The following DHX32 variants were observed in gnomAD, a reference collection of about 807,000 sequenced individuals.
DHX32 encodes putative pre-mRNA-splicing factor ATP-dependent RNA helicase DHX32.
DHX32 carries 51 observed loss-of-function variants against 70.0 expected under a neutral mutation model. The observed-to-expected ratio is 0.73, with a 90% confidence interval of 0.58 to 0.92. The LOEUF (loss-of-function observed/expected upper bound fraction) is 0.92. DHX32 is among the 40% of genes least tolerant of loss of function. The pLI is 0.00. For synonymous variants in DHX32, 310 were observed against 315.3 expected (o/e 0.98, Z 0.18); for missense variants, 762 against 891.8 (o/e 0.85, Z 1.85).
intron 6 of DHX32, among the ~76,000 whole-genome samples, 200 bp downstream of exon 6, chr10:125,852,093 T>C (rs543821726): frequency 1.6e-4 from 24 of 152,308 alleles, no homozygotes; most frequent in Admixed American, 1.4e-3. Flanking sequence ...GTCAGAACAG[T>C]TATTTCCTAG....
chr10:125,840,726 C>T (rs1854853630), intron 8 of DHX32, 121 bp downstream of exon 8: 2 of 1,127,258 alleles, frequency 1.8e-6, no homozygotes, highest in Non-Finnish European at 2.5e-6. Context: ...CCTCAAGTGC[C>T]ATTGCATTCA....
rs758379658 is a variant in DHX32 at position 125,840,896 on chromosome 10, G to A, written c.1644C>T (p.Ile548=). The change falls in exon 8 of 11, where the codon ATC becomes ATT. Residue 548 remains isoleucine, a synonymous_variant. Coordinates refer to ENST00000284690, the MANE Select transcript of DHX32 (RefSeq NM_018180.3). The stretch of plus-strand genomic sequence containing the variant: ...TGTCTTGGTAAGCCTTGTAAATGCT[G>A]ATGAGGGTAAAGTGATCTCCTTCGG... The part of the protein sequence containing the change: ...LHPEGDHFTL[I]SIYKAYQDTT... 1 of 1,610,298 alleles carries A rather than the reference G, an allele frequency of 6.2e-7. No homozygotes were observed. The highest frequency in any genetic ancestry group is 1.7e-5 in the Admixed American group (1 of 59,904).
chr10:125,859,718 A>G lies in DHX32; in HGVS notation c.734T>C (p.Val245Ala), dbSNP rs1270995419. Residue 245 changes from valine to alanine, a missense_variant, in exon 3 of 11, where the codon GTT (valine) becomes GCT (alanine). By Grantham distance (64) the Val-to-Ala change is moderately conservative (BLOSUM62 0). Transcript: ENST00000284690. ...IEVKNKHPVE[V>A]VYLSEAQKDS... is the part of the protein sequence containing the mutation. ...CTTTTGAGCCTCACTAAGGTACACA[A>G]CCTCCACAGGGTGTTTATTTTTCAC... 1 of 1,613,956 alleles carries G rather than the reference A, an allele frequency of 6.2e-7. No individual in the cohort carries two copies. The highest frequency in any genetic ancestry group is 1.1e-5 in the South Asian group (1 of 91,074).
chr10:125,883,995 T>C (rs564045321), upstream of DHX32, among the ~76,000 whole-genome samples: 28 of 152,288 alleles, frequency 1.8e-4, no homozygotes, highest in Non-Finnish European at 3.5e-4. Flanking sequence ...ACAAGCTTGT[T>C]TGACAGACAC....
At chr10:125,893,372 T>C (rs151143508) in intron 1 of DHX32, among the ~76,000 whole-genome samples, 2 of 152,044 alleles carry the variant, frequency 1.3e-5, no homozygotes, top group East Asian at 1.9e-4. Flanking sequence ...GCCTCCCGAG[T>C]AGCTGGGACT....
chr10:125,868,814 T>A (rs974353218), intron 1 of DHX32, among the ~76,000 whole-genome samples: 1 of 152,146 alleles, frequency 6.6e-6, no homozygotes, highest in Non-Finnish European at 1.5e-5. Context: ...TCCTTCAAGT[T>A]TGAACTCTGG....
intron 2 of DHX32, among the ~76,000 whole-genome samples, chr10:125,861,988 A>T (rs1246482977): frequency 2.0e-5 from 3 of 152,132 alleles, no homozygotes; most frequent in Non-Finnish European, 4.4e-5. Context: ...CCAGTCACTA[A>T]GCTGGTGTAT....
chr10:125,840,849 TCA>T lies in DHX32; in HGVS notation c.1689_1690del (p.Ser563ArgfsTer10), dbSNP rs1854856905. The T allele has an allele frequency of 2.5e-6, 4 of 1,585,592 alleles. No individual in the cohort carries two copies. Among genetic ancestry groups the T allele is most frequent in the Non-Finnish European group, 3.4e-6 (4 of 1,160,872 alleles). ...GTAGTTTCTGAGCATTCACTTACAC[TCA>T]CTGCTAGAATTCAGAGTTGTGTCTT... On this transcript the variant is annotated frameshift_variant, in exon 8 of 11. Transcript: ENST00000284690. LOFTEE classifies it high-confidence loss of function.
intron 3 of DHX32, chr10:125,854,946 C>G (rs1944132849): frequency 6.6e-6 from 1 of 152,164 alleles, no homozygotes; most frequent in Non-Finnish European, 1.5e-5. Context: ...AAAAGGAAGG[C>G]CAGGAGTGGT....
At position 125,880,966 on chromosome 10, in the gene DHX32, A is replaced by G; in HGVS notation, c.-142T>C. ...TAAGACTTCAGTTCAAGGTTTTAGC[A>G]AGTTAAATTCCTCAAACCTGCATCT... On this transcript the variant is annotated 5_prime_UTR_variant, in exon 1 of 11. Coordinates refer to ENST00000284690, the MANE Select transcript of DHX32 (RefSeq NM_018180.3). 9.6e-7 allele frequency: 1 copy of G among 1,037,654 alleles called. No homozygotes were observed. Among genetic ancestry groups the G allele is most frequent in the Non-Finnish European group, 1.4e-6 (1 of 724,640 alleles). 64.3% of individuals were successfully genotyped at this position (1,037,654 alleles called of 1,614,324 possible).
intron 1 of DHX32, among the ~76,000 whole-genome samples, chr10:125,875,687 T>C (rs1398815763): frequency 1.3e-5 from 2 of 152,196 alleles, no homozygotes; most frequent in South Asian, 4.1e-4. Context: ...CACTAGTGGA[T>C]GAATGTGAAA....
intron 2 of DHX32, among the ~76,000 whole-genome samples, chr10:125,865,102 C>T (rs1944212867): frequency 1.3e-5 from 2 of 151,970 alleles, no homozygotes; most frequent in African/African-American, 4.8e-5. Flanking sequence ...ATATTAACTT[C>T]AGAACCTAGT....
chr10:125,896,112 C>T, intron 1 of DHX32: 1 of 162,628 alleles, frequency 6.1e-6, no homozygotes, highest in Non-Finnish European at 1.3e-5. Context: ...GGCAGGGGAC[C>T]CCCAGGCGGC....
rs73381272 is a variant in DHX32, at chr10:125,874,653, G to A, written c.282+5890C>T. Among the ~76,000 whole-genome samples, 738 of 152,268 alleles carry A rather than the reference G, an allele frequency of 4.8e-3. 8 individuals carry two copies. The highest frequency in any genetic ancestry group is 0.016 in the African/African-American group (664 of 41,570). ...CAGGTAAAGATAGTGTGAATAACACGAAGCCCTGTTTCTCATAGAGAAGTT... is the reference window on the plus strand; with the variant it reads ...CAGGTAAAGATAGTGTGAATAACACAAAGCCCTGTTTCTCATAGAGAAGTT... On this transcript the variant is annotated intron_variant, in intron 1 of 10. Coordinates refer to ENST00000284690, the MANE Select transcript of DHX32 (RefSeq NM_018180.3).
rs1437053243 is a variant in DHX32 at position 125,846,576 on chromosome 10, G to A, written c.1352-4642C>T. On this transcript the variant is annotated intron_variant, in intron 6 of 10. Coordinates refer to ENST00000284690, the MANE Select transcript of DHX32 (RefSeq NM_018180.3). ...CACTCTTGGCCCTTCTAGCATGGAT[G>A]GTCTCATTTATATATGGAGATGCAC... 2.0e-5 allele frequency among the ~76,000 whole-genome samples: 3 copies of A among 152,078 alleles called. No individual in the cohort carries two copies. The East Asian group carries it at 5.8e-4, about 29-fold the overall frequency.
chr10:125,849,844 C>A (rs1944068002), intron 6 of DHX32, among the ~76,000 whole-genome samples: 1 of 152,216 alleles, frequency 6.6e-6, no homozygotes, highest in Non-Finnish European at 1.5e-5. Flanking sequence ...ATATACTTCT[C>A]TAGTATTCTT....
chr10:125,890,361 T>C (rs1489246876), intron 1 of DHX32, among the ~76,000 whole-genome samples: 1 of 152,254 alleles, frequency 6.6e-6, no homozygotes, highest in Non-Finnish European at 1.5e-5. Context: ...TTTGTTTTAA[T>C]AGCCTGAAAT....
chr10:125,887,507 C>T (rs1241480180), intron 1 of DHX32, among the ~76,000 whole-genome samples: 1 of 152,116 alleles, frequency 6.6e-6, no homozygotes, highest in Non-Finnish European at 1.5e-5. Flanking sequence ...GATTACAGTG[C>T]CATGGGTCTA....
chr10:125,880,666 A>G lies in DHX32; in HGVS notation c.159T>C (p.Tyr53=), dbSNP rs764568173. The G allele has an allele frequency of 3.5e-5, 56 of 1,614,214 alleles. No individual in the cohort carries two copies. The highest frequency in any genetic ancestry group is 4.7e-5 in the Non-Finnish European group (55 of 1,180,044). The change falls in exon 1 of 11, where the codon TAT becomes TAC. Residue 53 remains tyrosine, a synonymous_variant. Coordinates refer to ENST00000284690, the MANE Select transcript of DHX32 (RefSeq NM_018180.3). ...FDGLPYSSRY[Y]KLLKEREDLP... Reference sequence around the variant, plus strand: ...GATCTTCTCTTTCTTTCAGAAGTTTATAATAACGTGATGAATATGGCAATC... The same window carrying G: ...GATCTTCTCTTTCTTTCAGAAGTTTGTAATAACGTGATGAATATGGCAATC...
Sources: allele counts gnomAD v4.1 joint callset (sites outside exome capture counted in the v4.1 genomes callset), GRCh38; gene constraint gnomAD v4.1.1; transcripts MANE v1.5; gene names NCBI Gene and HGNC (gene_info 2026-07-23, HGNC 2026-07-21).